The following PDSS2 variants were observed in gnomAD, a reference collection of about 807,000 sequenced individuals.
PDSS2 encodes all trans-polyprenyl-diphosphate synthase PDSS2.
In PDSS2, 31 loss-of-function variants were observed where a neutral mutation model predicts 44.5. The ratio of observed to expected loss-of-function variants is 0.70; its 90% CI spans 0.52 to 0.94. The LOEUF is 0.94. Ranked by LOEUF, PDSS2 falls within the 40% of genes least tolerant of loss-of-function variation. The probability of loss-of-function intolerance (pLI) is 0.00; values close to 1 mark genes in which losing one functional copy is unlikely to be tolerated. For synonymous variants in PDSS2, 157 were observed against 180.3 expected (o/e 0.87, Z 1.03); for missense variants, 452 against 482.2 (o/e 0.94, Z 0.59).
intron 3 of PDSS2, among the ~76,000 whole-genome samples, chr6:107,263,872 G>T (rs1775326793): frequency 6.6e-6 from 1 of 152,148 alleles, no homozygotes; most frequent in Non-Finnish European, 1.5e-5. Context: ...TTGATATGGA[G>T]ATAGTCTCTT....
chr6:107,253,861 C>T (rs188345726), intron 3 of PDSS2, among the ~76,000 whole-genome samples: 3 of 151,996 alleles, frequency 2.0e-5, no homozygotes, highest in Admixed American at 2.0e-4. Context: ...CAATTTAAAG[C>T]GCTTAAGATG....
At chr6:107,310,561 C>T (rs185253544) in intron 2 of PDSS2, among the ~76,000 whole-genome samples, 11 of 152,270 alleles carry the variant, frequency 7.2e-5, no homozygotes, top group East Asian at 3.9e-4. Context: ...TCCCATTCAG[C>T]GTCCAAAGAG....
chr6:107,247,557 TTTGAG>T (rs1774662254), intron 3 of PDSS2, among the ~76,000 whole-genome samples: 1 of 152,294 alleles, frequency 6.6e-6, no homozygotes, highest in Admixed American at 6.5e-5. Context: ...TTTAGATTTC[TTTGAG>T]TTAACAAGTC....
chr6:107,217,908 C>T (rs1017488359), intron 4 of PDSS2, among the ~76,000 whole-genome samples: 50 of 152,184 alleles, frequency 3.3e-4, no homozygotes, highest in Non-Finnish European at 8.8e-5. Flanking sequence ...GCTCAAGCTG[C>T]CTGCTATAAT....
intron 3 of PDSS2, among the ~76,000 whole-genome samples, chr6:107,258,802 G>GA (rs796858373): frequency 6.0e-4 from 87 of 144,588 alleles, no homozygotes; most frequent in Non-Finnish European, 1.1e-3. Flanking sequence ...CTCCGTCTCA[G>GA]AAAAAAAAAA....
chr6:107,170,862 C>G (rs969743976), intron 7 of PDSS2, among the ~76,000 whole-genome samples: 1 of 152,136 alleles, frequency 6.6e-6, no homozygotes, highest in South Asian at 2.1e-4. Flanking sequence ...ATCCTCCCAC[C>G]TCAGCCTCCC....
At chr6:107,259,724 G>A (rs2114873066) in intron 3 of PDSS2, among the ~76,000 whole-genome samples, 1 of 151,976 alleles carries the variant, frequency 6.6e-6, no homozygotes, top group South Asian at 2.1e-4. Flanking sequence ...AAAAGCCAAG[G>A]CTAGGAATTC....
intron 7 of PDSS2, among the ~76,000 whole-genome samples, chr6:107,177,605 G>T (rs1562354843): frequency 6.6e-6 from 1 of 152,080 alleles, no homozygotes. Flanking sequence ...AATAATCATG[G>T]ATTTATCCAT....
chr6:107,274,332 C>CT (rs551313244), intron 2 of PDSS2, 105 bp from the exon 3 acceptor site: 13,144 of 625,974 alleles, frequency 0.021, no homozygotes, highest in Middle Eastern at 0.028. Context: ...TTGCCCCCCA[C>CT]TTTTTTTTTT....
intron 7 of PDSS2, among the ~76,000 whole-genome samples, chr6:107,165,093 A>C (rs1554247290): frequency 1.3e-5 from 2 of 151,572 alleles, no homozygotes; most frequent in African/African-American, 4.9e-5. Flanking sequence ...GATTGGAAAA[A>C]TTTTCTCCCA....
chr6:107,181,831 A>C (rs1379787780), intron 7 of PDSS2, among the ~76,000 whole-genome samples: 1 of 151,168 alleles, frequency 6.6e-6, no homozygotes, highest in Admixed American at 6.6e-5. Flanking sequence ...TGGAGGCTGC[A>C]GTGAACCAAG....
intron 1 of PDSS2, among the ~76,000 whole-genome samples, chr6:107,349,140 A>C (rs768596492): frequency 5.3e-5 from 8 of 152,204 alleles, no homozygotes; most frequent in Non-Finnish European, 7.3e-5. Flanking sequence ...GGGTATATAA[A>C]TTACAAATAA....
At chr6:107,367,908 T>TA (rs932380281) in intron 1 of PDSS2, among the ~76,000 whole-genome samples, 14 of 151,500 alleles carry the variant, frequency 9.2e-5, no homozygotes, top group Admixed American at 4.6e-4. Flanking sequence ...GCATCTATAA[T>TA]AAAAAATACT....
chr6:107,429,163 A>C (rs1432646816), intron 1 of PDSS2, among the ~76,000 whole-genome samples: 1 of 152,158 alleles, frequency 6.6e-6, no homozygotes. Flanking sequence ...TAACATTTGA[A>C]TCGAGTCCTA....
intron 1 of PDSS2, among the ~76,000 whole-genome samples, chr6:107,344,228 A>AT (rs1778168357): frequency 6.6e-6 from 1 of 152,296 alleles, no homozygotes; most frequent in Admixed American, 6.5e-5. Flanking sequence ...GATGACAGCA[A>AT]TATTACTCAG....
chr6:107,348,696 T>G (rs73513131), intron 1 of PDSS2, among the ~76,000 whole-genome samples: 5,923 of 152,290 alleles, frequency 0.039, 379 homozygotes, highest in African/African-American at 0.13. Context: ...AAGGCCATAT[T>G]ATAACAACAG....
intron 7 of PDSS2, among the ~76,000 whole-genome samples, chr6:107,175,587 A>G (rs1435688924): frequency 6.6e-6 from 1 of 152,210 alleles, no homozygotes; most frequent in African/African-American, 2.4e-5. Flanking sequence ...CTCCAGTCAA[A>G]TAGCTTATGA....
intron 1 of PDSS2, among the ~76,000 whole-genome samples, chr6:107,375,687 C>A (rs528236682): frequency 2.2e-4 from 34 of 152,282 alleles, no homozygotes; most frequent in Non-Finnish European, 2.9e-5. Flanking sequence ...GATACTAAAA[C>A]CAGACAATGA....
chr6:107,310,764 T>A (rs1777018950), intron 2 of PDSS2, among the ~76,000 whole-genome samples: 1 of 152,210 alleles, frequency 6.6e-6, no homozygotes, highest in Admixed American at 6.5e-5. Context: ...AATACATTTG[T>A]GTGCTAAATT....
Sources: allele counts gnomAD v4.1 joint callset (sites outside exome capture counted in the v4.1 genomes callset), GRCh38; gene constraint gnomAD v4.1.1; transcripts MANE v1.5; gene names NCBI Gene and HGNC (gene_info 2026-07-23, HGNC 2026-07-21).